Variants in TBC1D24 observed in about 807,000 individuals in gnomAD.
The protein encoded by TBC1D24 is TBC1 domain family member 24, also known as Infantile myoclonic epilepsy.
Under a neutral mutation model 50.7 loss-of-function variants are expected in TBC1D24, and 47 were observed. That is an observed-to-expected ratio of 0.93 (90% CI 0.73 to 1.18). The LOEUF is 1.18. TBC1D24 is among the 50% of genes most tolerant of loss of function. The pLI, the probability that TBC1D24 is intolerant of heterozygous loss-of-function variation, is 0.00. For synonymous variants in TBC1D24, 324 were observed against 335.2 expected (o/e 0.97, Z 0.36); for missense variants, 688 against 766.5 (o/e 0.90, Z 1.21).
chr16:2,497,205 C>T lies in TBC1D24; in HGVS notation c.965+92C>T, dbSNP rs984717093. On this transcript the variant is annotated intron_variant, in intron 2 of 7. Transcript: ENST00000646147. ...TGAGCTCATCCTGCCGGCCTCCAGG[C>T]GGCCTCTGCCCATGGTCCACCCAGC... is the stretch of plus-strand genomic sequence containing the variant. The T allele has an allele frequency of 5.4e-5, 83 of 1,544,538 alleles. 4 individuals carry two copies. The highest frequency in any genetic ancestry group is 3.3e-4 in the Admixed American group (19 of 58,452).
At chr16:2,492,992 T>A (rs897436369) in intron 1 of TBC1D24, among the ~76,000 whole-genome samples, 1 of 151,950 alleles carries the variant, frequency 6.6e-6, no homozygotes, top group East Asian at 2.0e-4. Context: ...CTTGGGAGGC[T>A]GAGGCAGGGG....
Position 2,487,314 on chromosome 16 carries a change from G to A in TBC1D24, c.-115-8720G>A, listed in dbSNP as rs2065658428. Among the ~76,000 whole-genome samples the A allele has an allele frequency of 6.6e-6, 1 of 152,216 alleles. No homozygotes were observed. Among genetic ancestry groups the A allele is most frequent in the South Asian group, 2.1e-4 (1 of 4,824 alleles). On this transcript the variant is annotated intron_variant, in intron 1 of 7. Coordinates refer to ENST00000646147, the MANE Select transcript of TBC1D24 (RefSeq NM_001199107.2). This position sits in a 1 kb window ranked among gnomAD's most constrained non-coding sequence, Gnocchi z 4.1. ...CCTGGCACAGAGGCGGCACCTCAGT[G>A]GAGGTCTGTCATGTGACTAACTGCA...
chr16:2,498,419 CGGGCGGCAG>C (rs754637618), intron 4 of TBC1D24, 23 bp downstream of exon 4: 2 of 1,588,074 alleles, frequency 1.3e-6, no homozygotes, highest in Non-Finnish European at 1.7e-6. Context: ...GGGGCCAGAG[CGGGCGGCAG>C]AGCCGCCCAG....
chr16:2,498,751 T>TG (rs2065765813), intron 4 of TBC1D24, among the ~76,000 whole-genome samples: 2 of 152,200 alleles, frequency 1.3e-5, no homozygotes, highest in South Asian at 4.1e-4. Flanking sequence ...GTCGGGGGCC[T>TG]GGGGCATGCT....
In TBC1D24 at chr16:2,505,630, T is replaced by C. The variant is rs2141883935; in HGVS notation, c.*4672T>C. On this transcript the variant is annotated 3_prime_UTR_variant, in exon 8 of 8. Coordinates refer to ENST00000646147, the MANE Select transcript of TBC1D24 (RefSeq NM_001199107.2). Reference sequence around the variant, plus strand: ...GTGTAGTGAGCACAAATGTATGGATTTGCAGCACAATCCAACTTTGAAAAT... The same window carrying C: ...GTGTAGTGAGCACAAATGTATGGATCTGCAGCACAATCCAACTTTGAAAAT... 1 of 152,382 alleles carries C rather than the reference T, an allele frequency of 6.6e-6. No individual in the cohort carries two copies. Among genetic ancestry groups the C allele is most frequent in the East Asian group, 1.9e-4 (1 of 5,192 alleles). 9.4% of individuals were successfully genotyped at this position (152,382 alleles called of 1,614,324 possible).
Position 2,499,909 on chromosome 16 carries a change from C to A in TBC1D24, c.1281C>A (p.Thr427=). The A allele has an allele frequency of 1.9e-6, 3 of 1,614,050 alleles. No homozygotes were observed. The highest frequency in any genetic ancestry group is 1.7e-6 in the Non-Finnish European group (2 of 1,179,976). Residue 427 remains threonine, a synonymous_variant, in exon 6 of 8, where the codon ACC becomes ACA. Transcript: ENST00000646147. This position sits in a 1 kb window ranked among gnomAD's most constrained non-coding sequence, Gnocchi z 4.0. ...KFGGKLGFFG[T]GECFVFRLQP... ...GAGGCAAACTGGGCTTCTTTGGGAC[C>A]GGAGAATGCTTTGTGTTTAGGGTGA...
rs777325428 is a variant in TBC1D24, at chr16:2,500,246, T to G, written c.1303-22T>G. ...GCCTGCGAACGCCCGCGCCAGCTCC[T>G]CACACTCCCCTTCCACCCCAGCTGC... On this transcript the variant is annotated intron_variant, in intron 6 of 7. Transcript: ENST00000646147. The surrounding 1 kb of genome is among the most constrained non-coding windows in gnomAD (Gnocchi z 8.0). 2 of 1,579,530 alleles carry G rather than the reference T, an allele frequency of 1.3e-6. No homozygotes were observed. The highest frequency in any genetic ancestry group is 1.7e-6 in the Non-Finnish European group (2 of 1,161,572).
chr16:2,499,655 G>T lies in TBC1D24; in HGVS notation c.1207-180G>T, dbSNP rs2065773762. 6.6e-6 allele frequency among the ~76,000 whole-genome samples: 1 copy of T among 152,112 alleles called. No homozygotes were observed. Among genetic ancestry groups the T allele is most frequent in the Admixed American group, 6.5e-5 (1 of 15,278 alleles). ...CCCTCATTGCCAGCCCCAAGCCAGG[G>T]GCAGGGTGCACACACCTGCAACACT... On this transcript the variant is annotated intron_variant, in intron 5 of 7. Coordinates refer to ENST00000646147, the MANE Select transcript of TBC1D24 (RefSeq NM_001199107.2). The surrounding 1 kb of genome is among the most constrained non-coding windows in gnomAD (Gnocchi z 4.0).
rs1169312508 is a variant in TBC1D24 at position 2,496,607 on chromosome 16, G to A, written c.459G>A (p.Glu153=). The part of the protein sequence containing the change: ...HYSIDEAECF[E]KACRILACND... ...GCATCGACGAGGCCGAGTGCTTCGA[G>A]AAGGCCTGCCGCATCCTGGCCTGCA... The change falls in exon 2 of 8, where the codon GAG becomes GAA. Residue 153 remains glutamate (E), a synonymous_variant. Coordinates refer to ENST00000646147, the MANE Select transcript of TBC1D24 (RefSeq NM_001199107.2). 1 of 1,610,774 alleles carries A rather than the reference G, an allele frequency of 6.2e-7. No individual in the cohort carries two copies. Among genetic ancestry groups the A allele is most frequent in the South Asian group, 1.1e-5 (1 of 91,084 alleles).
chr16:2,488,270 G>C (rs2065666911), intron 1 of TBC1D24, among the ~76,000 whole-genome samples: 1 of 152,088 alleles, frequency 6.6e-6, no homozygotes, highest in South Asian at 2.1e-4. Flanking sequence ...CTGAACACTG[G>C]TCAACTGGCA....
intron 1 of TBC1D24, among the ~76,000 whole-genome samples, chr16:2,492,866 G>A (rs896876725): frequency 6.6e-6 from 1 of 152,108 alleles, no homozygotes; most frequent in Non-Finnish European, 1.5e-5. Flanking sequence ...GCTGAGGCGG[G>A]CGGATCACCT....
intron 1 of TBC1D24, among the ~76,000 whole-genome samples, chr16:2,491,649 G>C (rs2065696025): frequency 6.6e-6 from 1 of 151,888 alleles, no homozygotes; most frequent in Non-Finnish European, 1.5e-5. Flanking sequence ...CTGCCTGCCG[G>C]GTTCAAGCGA....
Position 2,500,553 on chromosome 16 carries a change from C to A in TBC1D24, c.1525+63C>A. On this transcript the variant is annotated intron_variant, in intron 7 of 7. Transcript: ENST00000646147. The surrounding 1 kb of genome is among the most constrained non-coding windows in gnomAD (Gnocchi z 8.0). ...GGGGTCCGGGCAGCTGAAGCTGCTGCACCCAGCCCTCCCTGACCGGGGTGG... is the reference window on the plus strand; with the variant it reads ...GGGGTCCGGGCAGCTGAAGCTGCTGAACCCAGCCCTCCCTGACCGGGGTGG... 1 of 1,486,260 alleles carries A rather than the reference C, an allele frequency of 6.7e-7. No homozygotes were observed. Among genetic ancestry groups the A allele is most frequent in the Non-Finnish European group, 9.1e-7 (1 of 1,103,474 alleles). The allele number at this position is 1,486,260 out of a possible 1,614,324, so 92.1% of individuals were successfully genotyped here.
At position 2,500,282 on chromosome 16, in the gene TBC1D24, G is replaced by A; in HGVS notation, c.1317G>A (p.Val439=). ...TTCCACCCCAGCTGCAGCCTGAGGT[G>A]CAGCGCTACGAGTGGGTGGTGATCA... ...ECFVFRLQPE[V]QRYEWVVIKH... is the part of the protein sequence containing the mutation. Residue 439 remains valine (V), a synonymous_variant, in exon 7 of 8, where the codon GTG becomes GTA. Transcript: ENST00000646147. This position sits in a 1 kb window ranked among gnomAD's most constrained non-coding sequence, Gnocchi z 8.0. The A allele has an allele frequency of 6.2e-7, 1 of 1,606,738 alleles. No homozygotes were observed. Among genetic ancestry groups the A allele is most frequent in the Non-Finnish European group, 8.5e-7 (1 of 1,177,476 alleles).
In TBC1D24 at chr16:2,485,068, ACC is replaced by A. The variant is rs2065638740; in HGVS notation, c.-116+9899_-116+9900del. 6.6e-6 allele frequency: 1 copy of A among 151,202 alleles called. No homozygotes were observed. The highest frequency in any genetic ancestry group is 1.5e-5 in the Non-Finnish European group (1 of 67,810). 9.4% of individuals were successfully genotyped at this position (151,202 alleles called of 1,614,324 possible). A position where few individuals can be genotyped will look rare whatever the true frequency, so the allele number is the denominator to read the frequency against. On this transcript the variant is annotated intron_variant, in intron 1 of 7. Coordinates refer to ENST00000646147, the MANE Select transcript of TBC1D24 (RefSeq NM_001199107.2). The surrounding 1 kb of genome is among the most constrained non-coding windows in gnomAD (Gnocchi z 4.6). ...TAGTGTGTTCTTCCAGCCTCCCTCC[ACC>A]TACTCTCCCAGCACCTCTGTGATGT...
Position 2,501,165 on chromosome 16 carries a change from G to A in TBC1D24, c.*207G>A. ...GGCTTCCCCAGTCCACCTGCATCTG[G>A]GTCAGAGCTGGAGGGCCTGCTGTGC... On this transcript the variant is annotated 3_prime_UTR_variant, in exon 8 of 8. Transcript: ENST00000646147. 1 of 641,684 alleles carries A rather than the reference G, an allele frequency of 1.6e-6. No individual in the cohort carries two copies. The highest frequency in any genetic ancestry group is 2.7e-6 in the Non-Finnish European group (1 of 372,890). 39.7% of individuals were successfully genotyped at this position (641,684 alleles called of 1,614,324 possible).
intron 1 of TBC1D24, chr16:2,477,968 G>A (rs2065582149): frequency 6.6e-6 from 1 of 152,340 alleles, no homozygotes; most frequent in Non-Finnish European, 1.5e-5. Flanking sequence ...AAGTGAGTGA[G>A]CTAGGCTGAC....
Position 2,496,392 on chromosome 16 carries a change from G to C in TBC1D24, c.244G>C (p.Val82Leu), listed in dbSNP as rs747915584. 1 of 1,613,240 alleles carries C rather than the reference G, an allele frequency of 6.2e-7. No individual in the cohort carries two copies. The highest frequency in any genetic ancestry group is 2.2e-5 in the East Asian group (1 of 44,878). Reference protein sequence around the residue: ...SVYSDIVGKIVGKHSSSCLPL... With the variant: ...SVYSDIVGKILGKHSSSCLPL... The stretch of plus-strand genomic sequence containing the variant: ...GTACAGCGACATCGTGGGCAAGATC[G>C]TGGGCAAGCACAGCAGCAGCTGCCT... The change falls in exon 2 of 8, where the codon GTG becomes CTG. Residue 82 changes from valine (V) to leucine (L), a missense_variant. Physicochemically the swap from Val to Leu is conservative, Grantham distance 32. Coordinates refer to ENST00000646147, the MANE Select transcript of TBC1D24 (RefSeq NM_001199107.2).
Position 2,498,252 on chromosome 16 carries a change from T to TG in TBC1D24, c.1000dup (p.Ala334GlyfsTer54). 6.2e-7 allele frequency: 1 copy of TG among 1,610,024 alleles called. No homozygotes were observed. The highest frequency in any genetic ancestry group is 1.1e-5 in the South Asian group (1 of 90,060). On this transcript the variant is annotated frameshift_variant, in exon 4 of 8. Transcript: ENST00000646147. LOFTEE classifies it high-confidence loss of function. ...GCTCCCCTCAGGCAGTTTGTACACT[T>TG]GGCCGTCCATGCAGAGAACTTCCGC... is the stretch of plus-strand genomic sequence containing the variant.
Sources: gnomAD v4.1 joint callset for allele counts (sites outside exome capture counted in the v4.1 genomes callset) on GRCh38, gnomAD v4.1.1 for gene constraint, Gnocchi (gnomAD v3.1) non-coding constraint, MANE v1.5 for transcripts, NCBI Gene and HGNC (gene_info 2026-07-23, HGNC 2026-07-21) for gene names.